The following LOXL3 variants were observed in gnomAD, a reference collection of about 807,000 sequenced individuals.
The protein encoded by LOXL3 is lysyl oxidase like 3.
Under a neutral mutation model 91.8 loss-of-function variants are expected in LOXL3, and 60 were observed. The ratio of observed to expected loss-of-function variants is 0.65; its 90% CI spans 0.53 to 0.81. The LOEUF is 0.81. Ranked by LOEUF, LOXL3 falls within the 30% of genes least tolerant of loss-of-function variation. The pLI is 0.00. For synonymous variants in LOXL3, 355 were observed against 387.6 expected (o/e 0.92, Z 0.99); for missense variants, 874 against 1,000.4 (o/e 0.87, Z 1.70).
At position 74,532,867 on chromosome 2, in the gene LOXL3, T is replaced by C. The variant is rs750307151; in HGVS notation, c.*739A>G. On this transcript the variant is annotated 3_prime_UTR_variant, in exon 14 of 14. Coordinates refer to ENST00000264094, the MANE Select transcript of LOXL3 (RefSeq NM_032603.5). ...GTGATTTTGGCCATTGGGGAGCAGA[T>C]GGTACAAAATGCTGAAGATGTTTAT... 6 of 1,614,136 alleles carry C rather than the reference T, an allele frequency of 3.7e-6. No homozygotes were observed. Among genetic ancestry groups the C allele is most frequent in the Admixed American group, 1.7e-5 (1 of 60,016 alleles).
intron 2 of LOXL3, among the ~76,000 whole-genome samples, chr2:74,552,085 C>T (rs577439321): frequency 4.6e-5 from 7 of 152,230 alleles, no homozygotes; most frequent in Non-Finnish European, 1.0e-4. Context: ...AGAACTTAGA[C>T]ATCATCTAGT....
intron 2 of LOXL3, among the ~76,000 whole-genome samples, chr2:74,551,616 T>C (rs1039649536): frequency 3.3e-5 from 5 of 152,252 alleles, no homozygotes; most frequent in Admixed American, 1.3e-4. Flanking sequence ...TCTAGGCAGC[T>C]CTCCTCTGAA....
At chr2:74,554,827 A>G (rs763812885), upstream of LOXL3, 4 of 1,613,376 alleles carry the variant, frequency 2.5e-6, no homozygotes, top group East Asian at 2.2e-5. This position sits in a 1 kb window ranked among gnomAD's most constrained non-coding sequence, Gnocchi z 4.9. Context: ...AGTCTGGCGC[A>G]TGGATGCCGA....
At chr2:74,538,489 A>G (rs1386252739) in intron 4 of LOXL3, among the ~76,000 whole-genome samples, 2 of 152,210 alleles carry the variant, frequency 1.3e-5, no homozygotes, top group East Asian at 3.9e-4. Flanking sequence ...GAGACTTTTA[A>G]TGTGCAAACT....
At chr2:74,546,186 C>T (rs1676578276) in intron 4 of LOXL3, among the ~76,000 whole-genome samples, 1 of 152,226 alleles carries the variant, frequency 6.6e-6, no homozygotes, top group Non-Finnish European at 1.5e-5. Flanking sequence ...GTCACCATCA[C>T]CTTTCACTTT....
In LOXL3 at chr2:74,532,596, T is replaced by G; in HGVS notation, c.*1010A>C. Reference sequence around the variant, plus strand: ...GGGGAGAATGCCTGGGTTTGGCTAATAGGGTGATCTGTGTACTTTCAGCAT... The same window carrying G: ...GGGGAGAATGCCTGGGTTTGGCTAAGAGGGTGATCTGTGTACTTTCAGCAT... On this transcript the variant is annotated 3_prime_UTR_variant, in exon 14 of 14. Transcript: ENST00000264094. 1 of 1,604,330 alleles carries G rather than the reference T, an allele frequency of 6.2e-7. No homozygotes were observed. Among genetic ancestry groups the G allele is most frequent in the Non-Finnish European group, 8.5e-7 (1 of 1,172,316 alleles).
intron 4 of LOXL3, among the ~76,000 whole-genome samples, chr2:74,540,613 C>G (rs1411978386): frequency 6.6e-6 from 1 of 151,800 alleles, no homozygotes; most frequent in East Asian, 1.9e-4. Flanking sequence ...TGGTCATTCA[C>G]AAACTGAGTT....
rs2104387228 is a variant in LOXL3 at position 74,533,963 on chromosome 2, C to T, written c.2107G>A (p.Glu703Lys). 1.2e-6 allele frequency: 2 copies of T among 1,614,200 alleles called. No homozygotes were observed. Among genetic ancestry groups the T allele is most frequent in the Non-Finnish European group, 1.7e-6 (2 of 1,180,022 alleles). The change falls in exon 13 of 14, where the codon GAG becomes AAG. Residue 703 changes from glutamate (E) to lysine (K), a missense_variant. Transcript: ENST00000264094. ...ATTGCATTGTTGGTAAAGTCACTCT[C>T]TGCTACTTCAAAGTTTGGGTTGATG... Reference protein sequence around the residue: ...VVINPNFEVAESDFTNNAMKC... With the variant: ...VVINPNFEVAKSDFTNNAMKC...
chr2:74,534,747 G>T lies in LOXL3; in HGVS notation c.1607C>A (p.Ala536Glu). The part of the protein sequence containing the change: ...ETASDLLLHS[A>E]LVQETAYIED... ...GATGTAGGCGGTCTCCTGCACCAGT[G>T]CTGAGTGCAGCAACAGATCTGATGC... The change falls in exon 10 of 14, where the codon GCA (alanine) becomes GAA (glutamate). Residue 536 changes from alanine to glutamate, a missense_variant. Coordinates refer to ENST00000264094, the MANE Select transcript of LOXL3 (RefSeq NM_032603.5). 2 of 1,613,904 alleles carry T rather than the reference G, an allele frequency of 1.2e-6. No individual in the cohort carries two copies. The highest frequency in any genetic ancestry group is 1.7e-6 in the Non-Finnish European group (2 of 1,179,960).
rs759669188 is a variant in LOXL3, at chr2:74,536,505, T to C, written c.913-34A>G. The C allele has an allele frequency of 1.9e-6, 3 of 1,593,862 alleles. No individual in the cohort carries two copies. The highest frequency in any genetic ancestry group is 2.7e-5 in the African/African-American group (2 of 74,266). Reference sequence around the variant, plus strand: ...GAGAGAAGTGCCCAACAGAGGCAAATGGCAACATCTGCACGGAGGGCTAAG... The same window carrying C: ...GAGAGAAGTGCCCAACAGAGGCAAACGGCAACATCTGCACGGAGGGCTAAG... On this transcript the variant is annotated intron_variant, in intron 5 of 13. Coordinates refer to ENST00000264094, the MANE Select transcript of LOXL3 (RefSeq NM_032603.5). This position sits in a 1 kb window ranked among gnomAD's most constrained non-coding sequence, Gnocchi z 4.5.
In LOXL3 at chr2:74,550,179, G is replaced by A; in HGVS notation, c.477+6C>T. On this transcript the variant is annotated splice_donor_region_variant and intron_variant, in intron 3 of 13. Transcript: ENST00000264094. ...GTGTGTGTGTGTATGTCTAGGAAAT[G>A]CAGACCTCAATGACATTGGAGTCCG... 1.9e-6 allele frequency: 3 copies of A among 1,611,880 alleles called. No homozygotes were observed. The highest frequency in any genetic ancestry group is 2.5e-6 in the Non-Finnish European group (3 of 1,178,692).
At chr2:74,542,276 T>C (rs1372068931) in intron 4 of LOXL3, among the ~76,000 whole-genome samples, 1 of 152,060 alleles carries the variant, frequency 6.6e-6, no homozygotes, top group Non-Finnish European at 1.5e-5. Flanking sequence ...CTGGTCAACA[T>C]AGAGAGACCC....
Position 74,533,485 on chromosome 2 carries a change from A to G in LOXL3, c.*121T>C. The G allele has an allele frequency of 1.3e-6, 1 of 796,922 alleles. No homozygotes were observed. Among genetic ancestry groups the G allele is most frequent in the African/African-American group, 1.7e-5 (1 of 58,230 alleles). The allele number at this position is 796,922 out of a possible 1,614,324, so 49.4% of individuals were successfully genotyped here. ...ACTTCTGCTTGACAGTTCCACATCC[A>G]TAGTGCATGGTCTGATGAGTGCGGT... On this transcript the variant is annotated 3_prime_UTR_variant, in exon 14 of 14. Transcript: ENST00000264094.
chr2:74,549,383 G>A lies in LOXL3; in HGVS notation c.678C>T (p.Asn226=). 1.2e-6 allele frequency: 2 copies of A among 1,607,718 alleles called. No individual in the cohort carries two copies. Among genetic ancestry groups the A allele is most frequent in the Non-Finnish European group, 1.7e-6 (2 of 1,176,978 alleles). The stretch of plus-strand genomic sequence containing the variant: ...CGGCCCCTCACCTGTAGAAGGCCGC[G>A]TTGACCCTCTTTTCGCTGGGGAAGC... The part of the protein sequence containing the change: ...MLGFPSEKRV[N]AAFYRLLAQR... Residue 226 remains asparagine (N), a synonymous_variant, in exon 4 of 14, where the codon AAC becomes AAT. Transcript: ENST00000264094. The surrounding 1 kb of genome is among the most constrained non-coding windows in gnomAD (Gnocchi z 5.3).
At chr2:74,546,419 A>T (rs985833145) in intron 4 of LOXL3, among the ~76,000 whole-genome samples, 2 of 152,114 alleles carry the variant, frequency 1.3e-5, no homozygotes, top group African/African-American at 4.8e-5. Flanking sequence ...CTGGCTTCCC[A>T]TTCTTTTCCG....
Position 74,534,686 on chromosome 2 carries a change from C to G in LOXL3, c.1668G>C (p.Ala556=). Residue 556 remains alanine (A), a synonymous_variant, in exon 10 of 14, where the codon GCG becomes GCC. Coordinates refer to ENST00000264094, the MANE Select transcript of LOXL3 (RefSeq NM_032603.5). ...CTGAGCTGGCCAGGCAGTTCTCTTC[C>G]GCAGCACAGTACAACATATGCAGGG... is the stretch of plus-strand genomic sequence containing the variant. ...DRPLHMLYCA[A]EENCLASSAR... is the part of the protein sequence containing the mutation. 1 of 1,614,170 alleles carries G rather than the reference C, an allele frequency of 6.2e-7. No individual in the cohort carries two copies. The highest frequency in any genetic ancestry group is 8.5e-7 in the Non-Finnish European group (1 of 1,180,032).
chr2:74,532,886 T>C lies in LOXL3; in HGVS notation c.*720A>G, dbSNP rs146181000. 5.6e-5 allele frequency: 91 copies of C among 1,614,000 alleles called. 1 individual carries two copies. In the African/African-American group the frequency reaches 1.0e-3, roughly 18 times the overall value. Reference sequence around the variant, plus strand: ...AGCAGATGGTACAAAATGCTGAAGATGTTTATGAAGCTGTTCGAACCCAAT... The same window carrying C: ...AGCAGATGGTACAAAATGCTGAAGACGTTTATGAAGCTGTTCGAACCCAAT... On this transcript the variant is annotated 3_prime_UTR_variant, in exon 14 of 14. Coordinates refer to ENST00000264094, the MANE Select transcript of LOXL3 (RefSeq NM_032603.5).
chr2:74,542,039 TC>T (rs1226751071), intron 4 of LOXL3, among the ~76,000 whole-genome samples: 1 of 152,210 alleles, frequency 6.6e-6, no homozygotes. Context: ...ACGCCTGTAA[TC>T]CCAGCACTTT....
upstream of LOXL3, chr2:74,554,195 G>A: frequency 6.5e-6 from 1 of 154,658 alleles, no homozygotes; most frequent in East Asian, 1.9e-4. The surrounding 1 kb of genome is among the most constrained non-coding windows in gnomAD (Gnocchi z 4.9). Context: ...TGGAGGCCAG[G>A]CCTCTGCGGT....
Sources: gnomAD v4.1 joint callset for allele counts (sites outside exome capture counted in the v4.1 genomes callset) on GRCh38, gnomAD v4.1.1 for gene constraint, Gnocchi (gnomAD v3.1) non-coding constraint, MANE v1.5 for transcripts, NCBI Gene and HGNC (gene_info 2026-07-23, HGNC 2026-07-21) for gene names.